Variants in FEZ1 observed in about 807,000 individuals in gnomAD.
The protein encoded by FEZ1 is fasciculation and elongation protein zeta 1.
FEZ1 carries 20 observed loss-of-function variants against 49.3 expected under a neutral mutation model. The observed-to-expected ratio is 0.41, with a 90% CI of 0.29 to 0.59. FEZ1 has a LOEUF of 0.59. Ranked by LOEUF, FEZ1 falls within the 20% of genes least tolerant of loss-of-function variation. The pLI, the probability that FEZ1 is intolerant of heterozygous loss-of-function variation, is 0.36. For synonymous variants in FEZ1, 170 were observed against 180.9 expected, an observed-to-expected ratio of 0.94 and a Z score of 0.48; for missense variants, 413 against 476.0, an observed-to-expected ratio of 0.87 and a Z score of 1.23.
chr11:125,477,879 A>G (rs1181727545), intron 3 of FEZ1, among the ~76,000 whole-genome samples: 2 of 152,036 alleles, frequency 1.3e-5, no homozygotes, highest in Non-Finnish European at 2.9e-5. Flanking sequence ...AGGCAGCTAA[A>G]AGAAATGCAA....
At chr11:125,491,842 CA>C (rs1294440341) in intron 1 of FEZ1, among the ~76,000 whole-genome samples, 1 of 152,276 alleles carries the variant, frequency 6.6e-6, no homozygotes, top group East Asian at 1.9e-4. Flanking sequence ...CCTTTGAATA[CA>C]AAAATATATA....
chr11:125,493,425 G>A (rs866703495), intron 1 of FEZ1, among the ~76,000 whole-genome samples: 1,507 of 34,392 alleles, frequency 0.044, 41 homozygotes, highest in African/African-American at 0.076. Flanking sequence ...AAAGAAAGAA[G>A]GAAAGAAGGA....
intron 2 of FEZ1, among the ~76,000 whole-genome samples, chr11:125,484,668 CA>C (rs113916197): frequency 0.033 from 2,845 of 85,948 alleles, 63 homozygotes; most frequent in African/African-American, 0.091. Context: ...AACTCTGTCT[CA>C]AAAAAAAAAA....
intron 8 of FEZ1, among the ~76,000 whole-genome samples, chr11:125,449,540 T>C (rs1467519033): frequency 6.6e-6 from 1 of 151,626 alleles, no homozygotes; most frequent in East Asian, 1.9e-4. Flanking sequence ...ACTTTATAAT[T>C]AAATGCTAAT....
chr11:125,465,402 G>C (rs190804933), intron 3 of FEZ1, among the ~76,000 whole-genome samples: 1 of 152,142 alleles, frequency 6.6e-6, no homozygotes, highest in Non-Finnish European at 1.5e-5. Context: ...AGCTTCTAGG[G>C]ATAGATCCTT....
At chr11:125,461,140 C>T (rs781377021) in intron 4 of FEZ1, among the ~76,000 whole-genome samples, 1 of 152,104 alleles carries the variant, frequency 6.6e-6, no homozygotes, top group Non-Finnish European at 1.5e-5. Flanking sequence ...TTCACCTAGA[C>T]AGGAACTGAA....
In FEZ1 at chr11:125,443,042, T is replaced by C. The variant is rs1956870036; in HGVS notation, c.*3053A>G. On this transcript the variant is annotated 3_prime_UTR_variant, in exon 10 of 10. Transcript: ENST00000278919. ...TGAGCCACCACGCCCGGCCCTGTGG[T>C]GGAGTTTTCTTACCAGAACTTGACC... Among the ~76,000 whole-genome samples, 1 of 152,034 alleles carries C rather than the reference T, an allele frequency of 6.6e-6. No individual in the cohort carries two copies. The highest frequency in any genetic ancestry group is 2.4e-5 in the African/African-American group (1 of 41,404).
chr11:125,462,181 C>G (rs546320550), intron 4 of FEZ1, among the ~76,000 whole-genome samples: 44 of 152,350 alleles, frequency 2.9e-4, no homozygotes, highest in African/African-American at 1.0e-3. Context: ...GCACCGAAGG[C>G]TGCCAGTGGA....
At chr11:125,447,680 A>G (rs1422088992) in intron 9 of FEZ1, among the ~76,000 whole-genome samples, 1 of 151,924 alleles carries the variant, frequency 6.6e-6, no homozygotes, top group Non-Finnish European at 1.5e-5. Context: ...AAATTAGTTG[A>G]GCATGGTGGC....
chr11:125,470,583 G>T (rs972418111), intron 3 of FEZ1, among the ~76,000 whole-genome samples: 4 of 152,160 alleles, frequency 2.6e-5, no homozygotes, highest in African/African-American at 9.7e-5. Context: ...AAATCTATGA[G>T]CCAATTGTTT....
At chr11:125,456,181 C>T in intron 5 of FEZ1, 75 bp from the exon 6 acceptor site, 1 of 1,404,194 alleles carries the variant, frequency 7.1e-7, no homozygotes, top group Non-Finnish European at 9.6e-7. Context: ...CTGGGGCCAC[C>T]ACCAATCAAG....
At chr11:125,492,242 G>A (rs1179275776) in intron 1 of FEZ1, among the ~76,000 whole-genome samples, 3 of 152,156 alleles carry the variant, frequency 2.0e-5, no homozygotes, top group South Asian at 2.1e-4. Context: ...TGTGGCTACC[G>A]CAAGGGACAA....
At chr11:125,461,999 T>C (rs1353250971) in intron 4 of FEZ1, among the ~76,000 whole-genome samples, 3 of 152,246 alleles carry the variant, frequency 2.0e-5, no homozygotes, top group Non-Finnish European at 4.4e-5. Context: ...GGAGTTATAA[T>C]TGAGTTCATA....
chr11:125,468,692 C>T (rs543930043), intron 3 of FEZ1, among the ~76,000 whole-genome samples: 28 of 152,194 alleles, frequency 1.8e-4, no homozygotes, highest in African/African-American at 6.5e-4. Context: ...AGAAAACAGA[C>T]GCCGGCCCAG....
chr11:125,488,720 C>T, intron 2 of FEZ1: 7 of 985,204 alleles, frequency 7.1e-6, no homozygotes, highest in Non-Finnish European at 8.4e-6. Context: ...AACACATCCC[C>T]CGAGGATAGC....
chr11:125,484,529 G>A (rs900027719), intron 2 of FEZ1, among the ~76,000 whole-genome samples: 3 of 151,476 alleles, frequency 2.0e-5, no homozygotes, highest in Admixed American at 6.6e-5. Context: ...TTAGCTGGGC[G>A]TGGTGGCCCA....
chr11:125,472,027 G>T (rs1231644339), intron 3 of FEZ1, among the ~76,000 whole-genome samples: 2 of 152,000 alleles, frequency 1.3e-5, no homozygotes, highest in Non-Finnish European at 2.9e-5. Context: ...GGTTAAAGAA[G>T]AAATTGCAAG....
Position 125,489,172 on chromosome 11 carries a change from T to G in FEZ1, c.311+295A>C. The stretch of plus-strand genomic sequence containing the variant: ...ATATCTCGCTGGATTTCCACTGATA[T>G]AAAGAAAGCTTAAGATAGACAGACC... On this transcript the variant is annotated intron_variant, in intron 2 of 9. Coordinates refer to ENST00000278919, the MANE Select transcript of FEZ1 (RefSeq NM_005103.5). This position sits in a 1 kb window ranked among gnomAD's most constrained non-coding sequence, Gnocchi z 4.2. 1.9e-6 allele frequency: 2 copies of G among 1,069,056 alleles called. No homozygotes were observed. The highest frequency in any genetic ancestry group is 2.3e-6 in the Non-Finnish European group (2 of 885,458). 66.2% of individuals were successfully genotyped at this position (1,069,056 alleles called of 1,614,324 possible).
intron 3 of FEZ1, chr11:125,468,957 T>C (rs1957158859): frequency 6.6e-6 from 1 of 152,186 alleles, no homozygotes; most frequent in Non-Finnish European, 1.5e-5. Flanking sequence ...AACTGGAGGT[T>C]CTGGACTCAG....
Sources: gnomAD v4.1 joint callset for allele counts (sites outside exome capture counted in the v4.1 genomes callset) on GRCh38, gnomAD v4.1.1 for gene constraint, Gnocchi (gnomAD v3.1) non-coding constraint, MANE v1.5 for transcripts, NCBI Gene and HGNC (gene_info 2026-07-23, HGNC 2026-07-21) for gene names.